The following TP53BP1 variants were observed in gnomAD, a reference collection of about 807,000 sequenced individuals.
TP53BP1 encodes the protein TP53-binding protein 1.
In TP53BP1, 61 loss-of-function variants were observed where a neutral mutation model predicts 200.8. The observed-to-expected ratio is 0.30, with a 90% confidence interval of 0.25 to 0.38. The LOEUF is 0.38. Ranked by LOEUF, TP53BP1 falls within the 10% of genes least tolerant of loss-of-function variation. The probability of loss-of-function intolerance (pLI) is 1.00; values close to 1 mark genes in which losing one functional copy is unlikely to be tolerated. For missense variants in TP53BP1, 2,144 were observed against 2,371.9 expected, an observed-to-expected ratio of 0.90 and a Z score of 2.00; for synonymous variants, 822 against 844.3, an observed-to-expected ratio of 0.97 and a Z score of 0.46.
intron 25 of TP53BP1, 140 bp downstream of exon 25, chr15:43,409,507 A>G: frequency 1.9e-6 from 1 of 525,394 alleles, no homozygotes; most frequent in African/African-American, 1.9e-5. Flanking sequence ...TTCATGCAAA[A>G]ACATTTTGGC....
chr15:43,465,346 CA>C (rs758498442), intron 11 of TP53BP1, among the ~76,000 whole-genome samples: 7 of 151,676 alleles, frequency 4.6e-5, no homozygotes, highest in Non-Finnish European at 1.0e-4. Context: ...TACTAAAAAC[CA>C]CTGGATTGTG....
intron 4 of TP53BP1, among the ~76,000 whole-genome samples, chr15:43,487,174 C>T (rs1274092858): frequency 6.6e-6 from 1 of 151,664 alleles, no homozygotes; most frequent in African/African-American, 2.4e-5. Flanking sequence ...AAGACATTTC[C>T]CTGAAGAAAA....
In TP53BP1 at chr15:43,421,100, T is replaced by C; in HGVS notation, c.4175A>G (p.Gln1392Arg). The change falls in exon 20 of 28, where the codon CAG becomes CGG. Residue 1392 changes from glutamine (Q) to arginine (R), a missense_variant. Physicochemically the swap from Gln to Arg is conservative, Grantham distance 43. Coordinates refer to ENST00000382044, the MANE Select transcript of TP53BP1 (RefSeq NM_001141980.3). ...AGGCGTGACTGGAGCCTTCCCTCCCTGTCTGATGCCAAGGCCTGCATCACC... is the reference window on the plus strand; with the variant it reads ...AGGCGTGACTGGAGCCTTCCCTCCCCGTCTGATGCCAAGGCCTGCATCACC... The part of the protein sequence containing the change: ...EDGDAGLGIR[Q>R]GGKAPVTPRG... The C allele has an allele frequency of 3.1e-6, 5 of 1,614,238 alleles. No homozygotes were observed. Among genetic ancestry groups the C allele is most frequent in the Non-Finnish European group, 4.2e-6 (5 of 1,180,032 alleles).
chr15:43,430,229 A>G (rs1328303632), intron 17 of TP53BP1, among the ~76,000 whole-genome samples: 2 of 152,210 alleles, frequency 1.3e-5, no homozygotes, highest in African/African-American at 4.8e-5. Flanking sequence ...GGAGTGTCAA[A>G]GTAGGCTGCC....
intron 23 of TP53BP1, chr15:43,414,135 C>CTTT: frequency 2.1e-6 from 1 of 470,092 alleles, no homozygotes; most frequent in Middle Eastern, 3.3e-4. Flanking sequence ...AAACCAGGAG[C>CTTT]AAGAAAACAG....
At chr15:43,436,765 G>C (rs567249) in intron 16 of TP53BP1, among the ~76,000 whole-genome samples, 3,513 of 151,964 alleles carry the variant, frequency 0.023, 123 homozygotes, top group African/African-American at 0.078. Context: ...ACAGGCGTGA[G>C]CCACCGTGGC....
intron 10 of TP53BP1, among the ~76,000 whole-genome samples, chr15:43,474,365 C>G (rs2046802543): frequency 6.7e-6 from 1 of 148,904 alleles, no homozygotes; most frequent in African/African-American, 2.5e-5. Flanking sequence ...TCAAGTGCCG[C>G]CAAAGTGGGA....
At chr15:43,476,268 A>T (rs144542464) in intron 8 of TP53BP1, among the ~76,000 whole-genome samples, 12 of 152,290 alleles carry the variant, frequency 7.9e-5, no homozygotes, top group African/African-American at 2.9e-4. Flanking sequence ...CCGTCTCAAA[A>T]AAATAAATAA....
intron 26 of TP53BP1, 74 bp downstream of exon 26, chr15:43,408,823 C>T: frequency 6.9e-7 from 1 of 1,459,312 alleles, no homozygotes; most frequent in Non-Finnish European, 9.6e-7. Flanking sequence ...TTTACTCTCT[C>T]ACCTAGATTC....
chr15:43,414,076 C>T, intron 23 of TP53BP1: 1 of 467,428 alleles, frequency 2.1e-6, no homozygotes, highest in Non-Finnish European at 4.4e-6. Context: ...ATCGTAGGTT[C>T]ATTAGGAGGC....
chr15:43,407,278 C>T lies in TP53BP1; in HGVS notation c.*105G>A, dbSNP rs1200409942. ...AAAGTTCAGCAAATAAAACTATATACAAGATCCATGCAAGGAATCCAGTTA... is the reference window on the plus strand; with the variant it reads ...AAAGTTCAGCAAATAAAACTATATATAAGATCCATGCAAGGAATCCAGTTA... On this transcript the variant is annotated 3_prime_UTR_variant, in exon 28 of 28. Coordinates refer to ENST00000382044, the MANE Select transcript of TP53BP1 (RefSeq NM_001141980.3). 4.2e-6 allele frequency: 4 copies of T among 941,500 alleles called. No homozygotes were observed. In the Admixed American group the frequency reaches 6.8e-5, roughly 16 times the overall value. 58.3% of individuals were successfully genotyped at this position (941,500 alleles called of 1,614,324 possible).
chr15:43,510,475 C>G (rs928294232), exon 1 of TP53BP1: 1 of 153,540 alleles, frequency 6.5e-6, no homozygotes, highest in Non-Finnish European at 1.4e-5. Context: ...GGATGGAGAC[C>G]TCGGGCAGGA....
chr15:43,424,928 A>G (rs1317573270), intron 18 of TP53BP1, among the ~76,000 whole-genome samples: 1 of 152,238 alleles, frequency 6.6e-6, no homozygotes. Context: ...TAGTTCATTC[A>G]TGGATTAACG....
At chr15:43,465,933 G>C (rs1251647111) in intron 11 of TP53BP1, among the ~76,000 whole-genome samples, 2 of 152,156 alleles carry the variant, frequency 1.3e-5, no homozygotes, top group African/African-American at 4.8e-5. Flanking sequence ...AAGATTACAG[G>C]CATGAGCCAC....
chr15:43,438,076 G>A (rs2439844), intron 16 of TP53BP1, among the ~76,000 whole-genome samples: 3 of 152,188 alleles, frequency 2.0e-5, no homozygotes, highest in Admixed American at 6.5e-5. Context: ...CCATGCTCAC[G>A]GCAACAGCCT....
At position 43,413,178 on chromosome 15, in the gene TP53BP1, T is replaced by G. The variant is rs1831035402; in HGVS notation, c.5246A>C (p.Lys1749Thr). The change falls in exon 24 of 28, where the codon AAG (lysine) becomes ACG (threonine). Residue 1749 changes from lysine to threonine, a missense_variant. Lys to Thr is a moderately conservative substitution (Grantham distance 78). Transcript: ENST00000382044. ...FLLTMATTSD[K>T]LASRSKLPDG... is the part of the protein sequence containing the mutation. Reference sequence around the variant, plus strand: ...TGGCAGTTTGGAGCGGCTGGCCAACTTGTCACTGGTTGTGGCCATGGTAAG... The same window carrying G: ...TGGCAGTTTGGAGCGGCTGGCCAACGTGTCACTGGTTGTGGCCATGGTAAG... The G allele has an allele frequency of 6.2e-7, 1 of 1,614,172 alleles. No individual in the cohort carries two copies. The highest frequency in any genetic ancestry group is 2.2e-5 in the East Asian group (1 of 44,878).
intron 11 of TP53BP1, among the ~76,000 whole-genome samples, chr15:43,461,069 GA>G (rs2046417481): frequency 6.6e-6 from 1 of 151,354 alleles, no homozygotes; most frequent in Non-Finnish European, 1.5e-5. Context: ...CAACAGCCCT[GA>G]AATTCTATAC....
chr15:43,468,767 G>A (rs564866387), intron 11 of TP53BP1, among the ~76,000 whole-genome samples: 2 of 152,246 alleles, frequency 1.3e-5, no homozygotes, highest in East Asian at 3.9e-4. Flanking sequence ...TTTGACTGAT[G>A]AGCAAACTAA....
chr15:43,434,865 A>G (rs2045754499), intron 16 of TP53BP1, among the ~76,000 whole-genome samples: 2 of 152,210 alleles, frequency 1.3e-5, no homozygotes, highest in Admixed American at 1.3e-4. Context: ...CAGCAATCCA[A>G]TAAATTGTAA....
Sources: allele counts gnomAD v4.1 joint callset (sites outside exome capture counted in the v4.1 genomes callset), GRCh38; gene constraint gnomAD v4.1.1; transcripts MANE v1.5; gene names NCBI Gene and HGNC (gene_info 2026-07-23, HGNC 2026-07-21).